LINS1: variants seen among roughly 807,000 people sequenced by gnomAD.
The protein encoded by LINS1 is lines homolog 1.
LINS1 carries 27 observed loss-of-function variants against 41.6 expected under a neutral mutation model. The observed-to-expected ratio is 0.65, with a 90% CI of 0.48 to 0.89. The LOEUF (loss-of-function observed/expected upper bound fraction) is 0.89. LINS1 is among the 40% of genes least tolerant of loss of function. The probability of loss-of-function intolerance (pLI) is 0.00; values close to 1 mark genes in which losing one functional copy is unlikely to be tolerated. For synonymous variants in LINS1, 336 were observed against 312.9 expected (o/e 1.07, Z -0.78); for missense variants, 955 against 884.1 (o/e 1.08, Z -1.02).
At chr15:100,578,706 C>G (rs1248993741) in intron 3 of LINS1, among the ~76,000 whole-genome samples, 2 of 152,200 alleles carry the variant, frequency 1.3e-5, no homozygotes, top group Non-Finnish European at 2.9e-5. Flanking sequence ...AATCATGCTG[C>G]TATAAAGACA....
chr15:100,573,849 A>G lies in LINS1; in HGVS notation c.1024T>C (p.Leu342=). The part of the protein sequence containing the change: ...VDMLALANAV[L]QAVNSGLLKT... ...AACAACCCCGAATTCACAGCTTGCAAAACAGCATTAGCTAAAGCCAGCATG... is the reference window on the plus strand; with the variant it reads ...AACAACCCCGAATTCACAGCTTGCAGAACAGCATTAGCTAAAGCCAGCATG... Residue 342 remains leucine, a synonymous_variant, in exon 5 of 7, where the codon TTG becomes CTG. Transcript: ENST00000314742. 6.2e-7 allele frequency: 1 copy of G among 1,614,216 alleles called. No individual in the cohort carries two copies. The highest frequency in any genetic ancestry group is 8.5e-7 in the Non-Finnish European group (1 of 1,180,044).
Position 100,572,988 on chromosome 15 carries a change from G to A in LINS1, c.1222+663C>T, listed in dbSNP as rs889231831. The A allele has an allele frequency of 7.8e-5, 17 of 219,342 alleles. No individual in the cohort carries two copies. In the Admixed American group the frequency reaches 1.1e-3, roughly 14 times the overall value. The allele number at this position is 219,342 out of a possible 1,614,324, so 13.6% of individuals were successfully genotyped here. A position where few individuals can be genotyped will look rare whatever the true frequency, so the allele number is the denominator to read the frequency against. ...GAGGCTGCAGTGAGCCTGGGAGACA[G>A]AGCAAGACCCTGCCTCAAAATAAAT... is the stretch of plus-strand genomic sequence containing the variant. On this transcript the variant is annotated intron_variant, in intron 5 of 6. Coordinates refer to ENST00000314742, the MANE Select transcript of LINS1 (RefSeq NM_001040616.3).
chr15:100,598,588 T>C (rs757927610), intron 1 of LINS1, among the ~76,000 whole-genome samples: 1 of 152,186 alleles, frequency 6.6e-6, no homozygotes, highest in Non-Finnish European at 1.5e-5. Flanking sequence ...ATCCCTTAAA[T>C]TACCAGGGCA....
Position 100,580,276 on chromosome 15 carries a change from T to G in LINS1, c.476A>C (p.Gln159Pro). ...TACTTATCTTACCTTTTCTCTCAAT[T>G]GGAAATATAGAAGCAATGCAAGGCA... ...AQCLALLLYF[Q>P]LREKITLSNS... The change falls in exon 3 of 7, where the codon CAA (glutamine) becomes CCA (proline). Residue 159 changes from glutamine to proline, a missense_variant. Transcript: ENST00000314742. 6.2e-7 allele frequency: 1 copy of G among 1,605,280 alleles called. No individual in the cohort carries two copies. Among genetic ancestry groups the G allele is most frequent in the South Asian group, 1.1e-5 (1 of 90,696 alleles).
chr15:100,596,910 C>T (rs1442686176), intron 1 of LINS1: 1 of 152,248 alleles, frequency 6.6e-6, no homozygotes, highest in Non-Finnish European at 1.5e-5. Flanking sequence ...TGCCACGTAC[C>T]TGAAGCTATG....
At chr15:100,570,270 C>T (rs1342740725) in intron 6 of LINS1, 153 bp from the exon 7 acceptor site, 11 of 581,544 alleles carry the variant, frequency 1.9e-5, no homozygotes, top group Non-Finnish European at 2.9e-5. Flanking sequence ...AACCCATTCC[C>T]TTCCCCATAA....
At chr15:100,587,666 T>G (rs2038869254) in intron 1 of LINS1, among the ~76,000 whole-genome samples, 1 of 152,204 alleles carries the variant, frequency 6.6e-6, no homozygotes, top group Admixed American at 6.5e-5. Flanking sequence ...TAGAAAGTCA[T>G]CATTTGTCCC....
chr15:100,576,912 C>T (rs1475440415), intron 3 of LINS1, among the ~76,000 whole-genome samples: 1 of 152,100 alleles, frequency 6.6e-6, no homozygotes, highest in African/African-American at 2.4e-5. Context: ...TAAACAGAAC[C>T]AAAGACAAAA....
chr15:100,577,568 G>A (rs1014495032), intron 3 of LINS1, among the ~76,000 whole-genome samples: 4 of 152,170 alleles, frequency 2.6e-5, no homozygotes, highest in African/African-American at 9.7e-5. Context: ...TGGATAGGAA[G>A]AATCAATATT....
intron 3 of LINS1, among the ~76,000 whole-genome samples, chr15:100,577,078 T>G (rs577333783): frequency 2.6e-4 from 39 of 152,318 alleles, no homozygotes; most frequent in African/African-American, 9.1e-4. Context: ...TCATACTGAA[T>G]GGGCAAAAAC....
chr15:100,597,657 T>C (rs903996220), intron 1 of LINS1, among the ~76,000 whole-genome samples: 9 of 152,272 alleles, frequency 5.9e-5, no homozygotes, highest in Non-Finnish European at 1.0e-4. Context: ...TTTTAAGTGG[T>C]ACTTCAGAAT....
rs1386172883 is a variant in LINS1, at chr15:100,571,899, C to T, written c.1389G>A (p.Leu463=). The part of the protein sequence containing the change: ...AKASLGIYLT[L]TRGCEATESL... ...TTACTTTAAAATACACTAACCTGGT[C>T]AGTGTTAAGTAGATGCCCAGTGATG... Residue 463 remains leucine, a synonymous_variant, in exon 6 of 7, where the codon CTG becomes CTA. Transcript: ENST00000314742. 2 of 1,613,926 alleles carry T rather than the reference C, an allele frequency of 1.2e-6. No homozygotes were observed. Among genetic ancestry groups the T allele is most frequent in the African/African-American group, 2.7e-5 (2 of 74,902 alleles).
intron 3 of LINS1, among the ~76,000 whole-genome samples, chr15:100,576,224 A>G (rs1452252016): frequency 1.3e-5 from 2 of 152,298 alleles, no homozygotes; most frequent in African/African-American, 4.8e-5. Context: ...CAAAAAATCA[A>G]TGAATCCAGG....
chr15:100,582,841 C>T (rs1447399048), intron 1 of LINS1, among the ~76,000 whole-genome samples: 1 of 147,174 alleles, frequency 6.8e-6, no homozygotes, highest in African/African-American at 2.5e-5. Context: ...ACATGGCCCA[C>T]TAGCCTAGTC....
chr15:100,574,047 A>T lies in LINS1; in HGVS notation c.826T>A (p.Leu276Ile). The change falls in exon 5 of 7, where the codon TTA becomes ATA. Residue 276 changes from leucine (L) to isoleucine (I), a missense_variant. Leu to Ile is a conservative substitution (Grantham distance 5, BLOSUM62 2). Coordinates refer to ENST00000314742, the MANE Select transcript of LINS1 (RefSeq NM_001040616.3). ...AGCATGCAAGATGGTTTCAAAAATA[A>T]AATCCTCTGGCAAGTGAAATGTAAC... The part of the protein sequence containing the change: ...LKLHFTCQRI[L>I]FLKPSCMLEV... 6.2e-7 allele frequency: 1 copy of T among 1,614,082 alleles called. No individual in the cohort carries two copies. The highest frequency in any genetic ancestry group is 8.5e-7 in the Non-Finnish European group (1 of 1,179,908).
chr15:100,585,689 C>T (rs963501681), intron 1 of LINS1, among the ~76,000 whole-genome samples: 8 of 152,136 alleles, frequency 5.3e-5, no homozygotes, highest in South Asian at 2.1e-4. Flanking sequence ...CATGTCTAGA[C>T]GTGTTTATTT....
At chr15:100,597,328 A>G (rs968658542) in intron 1 of LINS1, among the ~76,000 whole-genome samples, 1 of 151,714 alleles carries the variant, frequency 6.6e-6, no homozygotes, top group African/African-American at 2.4e-5. Context: ...TAACGTGTTC[A>G]TACTAGAAAA....
chr15:100,583,494 T>C (rs933252517), intron 1 of LINS1, among the ~76,000 whole-genome samples: 1 of 152,246 alleles, frequency 6.6e-6, no homozygotes, highest in Admixed American at 6.5e-5. Flanking sequence ...GTGGTATGCA[T>C]CCCATATGAT....
intron 1 of LINS1, among the ~76,000 whole-genome samples, chr15:100,584,958 C>T (rs1323485508): frequency 3.9e-5 from 6 of 152,190 alleles, no homozygotes; most frequent in Non-Finnish European, 8.8e-5. Context: ...TTCCCCTACT[C>T]GACTGGCTAA....
Sources: gnomAD v4.1 joint callset for allele counts (sites outside exome capture counted in the v4.1 genomes callset) on GRCh38, gnomAD v4.1.1 for gene constraint, MANE v1.5 for transcripts, NCBI Gene and HGNC (gene_info 2026-07-23, HGNC 2026-07-21) for gene names.